The following UBE2G1 variants were observed in gnomAD, a reference collection of about 807,000 sequenced individuals.
UBE2G1 encodes the protein ubiquitin conjugating enzyme E2 G1, also known as ubiquitin-conjugating enzyme E2 G1.
UBE2G1 carries 5 observed loss-of-function variants against 22.7 expected under a neutral mutation model. The ratio of observed to expected loss-of-function variants is 0.22; its 90% CI spans 0.12 to 0.46. The LOEUF is 0.46. Ranked by LOEUF, UBE2G1 falls within the 20% of genes least tolerant of loss-of-function variation. The pLI is 0.99. For synonymous variants in UBE2G1, 74 were observed against 67.5 expected (o/e 1.10, Z -0.47); for missense variants, 88 against 203.9 (o/e 0.43, Z 3.46).
chr17:4,326,019 C>T (rs545577706), intron 1 of UBE2G1, among the ~76,000 whole-genome samples: 18 of 151,762 alleles, frequency 1.2e-4, no homozygotes, highest in Admixed American at 2.6e-4. Context: ...AACTCTCAGG[C>T]GAAAAAATAA....
chr17:4,349,713 T>G (rs1390929469), intron 1 of UBE2G1, among the ~76,000 whole-genome samples: 3 of 151,132 alleles, frequency 2.0e-5, no homozygotes, highest in Non-Finnish European at 4.4e-5. Context: ...CGTGGTGGCA[T>G]GCACCAGTAG....
At chr17:4,299,972 G>A (rs1350448092) in intron 2 of UBE2G1, among the ~76,000 whole-genome samples, 12 of 151,406 alleles carry the variant, frequency 7.9e-5, no homozygotes, top group East Asian at 1.9e-4. Flanking sequence ...GATTACAAGC[G>A]CACACCACCA....
At chr17:4,341,606 C>T (rs144421097) in intron 1 of UBE2G1, among the ~76,000 whole-genome samples, 1 of 152,300 alleles carries the variant, frequency 6.6e-6, no homozygotes, top group African/African-American at 2.4e-5. Context: ...GACACATACA[C>T]AAATGAAGCC....
At chr17:4,310,986 A>G (rs1367366769) in intron 1 of UBE2G1, among the ~76,000 whole-genome samples, 1 of 152,146 alleles carries the variant, frequency 6.6e-6, no homozygotes, top group Admixed American at 6.5e-5. Flanking sequence ...TGAGGTGGGC[A>G]GATCGTTTGA....
intron 3 of UBE2G1, among the ~76,000 whole-genome samples, chr17:4,291,358 C>CA (rs377584623): frequency 0.87 from 102,289 of 117,958 alleles, 44,499 homozygotes; most frequent in East Asian, 0.91. Context: ...AACTCCATCT[C>CA]AAAAAAAAAA....
At chr17:4,309,876 A>G (rs1237651058) in intron 1 of UBE2G1, among the ~76,000 whole-genome samples, 3 of 152,230 alleles carry the variant, frequency 2.0e-5, no homozygotes, top group African/African-American at 4.8e-5. Context: ...TACACTTTCC[A>G]TAAAGCATAT....
intron 4 of UBE2G1, among the ~76,000 whole-genome samples, chr17:4,285,937 G>A (rs867718797): frequency 2.2e-4 from 32 of 148,594 alleles, no homozygotes; most frequent in Middle Eastern, 3.5e-3. Context: ...GCGACAGAGC[G>A]AGACTACATC....
At chr17:4,294,625 A>G (rs1229105966) in intron 3 of UBE2G1, among the ~76,000 whole-genome samples, 1 of 152,118 alleles carries the variant, frequency 6.6e-6, no homozygotes, top group African/African-American at 2.4e-5. Context: ...CAGATAGAAA[A>G]CATAGGCCTG....
At chr17:4,289,055 T>C (rs1969003561) in intron 4 of UBE2G1, among the ~76,000 whole-genome samples, 175 bp downstream of exon 4, 1 of 151,578 alleles carries the variant, frequency 6.6e-6, no homozygotes, top group Admixed American at 6.6e-5. Context: ...ATAAAATAAA[T>C]ACGTAAATAA....
intron 1 of UBE2G1, among the ~76,000 whole-genome samples, chr17:4,326,669 C>T (rs1010341719): frequency 1.3e-5 from 2 of 152,080 alleles, no homozygotes; most frequent in African/African-American, 2.4e-5. Flanking sequence ...ACAGTCAAAA[C>T]GTGGAAACAA....
Position 4,352,893 on chromosome 17 carries a change from G to A in UBE2G1, c.46+13378C>T, listed in dbSNP as rs113384650. ...AGTTCAAGATCAGCCTGGGCAACAC[G>A]GAGAAACCCCGTCTCTACTAAAATA... On this transcript the variant is annotated intron_variant, in intron 1 of 5. Transcript: ENST00000396981. Among the ~76,000 whole-genome samples, 153 of 152,228 alleles carry A rather than the reference G, an allele frequency of 1.0e-3. 1 individual carries two copies. The highest frequency in any genetic ancestry group is 3.2e-3 in the African/African-American group (132 of 41,548).
rs1432130471 is a variant in UBE2G1, at chr17:4,270,877, T to G, written c.*1677A>C. The G allele has an allele frequency of 1.3e-5, 2 of 152,308 alleles. No homozygotes were observed. Among genetic ancestry groups the G allele is most frequent in the African/African-American group, 4.8e-5 (2 of 41,564 alleles). 9.4% of individuals were successfully genotyped at this position (152,308 alleles called of 1,614,324 possible). On this transcript the variant is annotated 3_prime_UTR_variant, in exon 6 of 6. Transcript: ENST00000396981. ...TCTGCTTAAAAAAGGACATACAACG[T>G]TTGTAGAGGTCTGGGCTCTTGGCAG...
intron 2 of UBE2G1, chr17:4,302,489 A>C (rs1186604037): frequency 2.1e-6 from 1 of 472,778 alleles, no homozygotes; most frequent in Non-Finnish European, 4.3e-6. Context: ...CACTCCATTC[A>C]GAATCTTGGG....
chr17:4,343,955 A>G (rs1286241226), intron 1 of UBE2G1, among the ~76,000 whole-genome samples: 1 of 152,098 alleles, frequency 6.6e-6, no homozygotes, highest in Non-Finnish European at 1.5e-5. Context: ...CAACAGATAC[A>G]AACTCTGGAG....
chr17:4,346,969 A>G (rs899538655), intron 1 of UBE2G1, among the ~76,000 whole-genome samples: 4 of 151,598 alleles, frequency 2.6e-5, no homozygotes, highest in Non-Finnish European at 5.9e-5. Context: ...CCTGGCCAAC[A>G]CAGTGAAACC....
chr17:4,323,323 G>C (rs1204458332), intron 1 of UBE2G1, among the ~76,000 whole-genome samples: 1 of 152,116 alleles, frequency 6.6e-6, no homozygotes, highest in South Asian at 2.1e-4. Context: ...ACAAAAGTAA[G>C]GACTCATCAC....
chr17:4,321,053 AG>A (rs1435636233), intron 1 of UBE2G1, among the ~76,000 whole-genome samples: 3 of 152,186 alleles, frequency 2.0e-5, no homozygotes, highest in Non-Finnish European at 2.9e-5. Context: ...GGGGATGAAG[AG>A]GGAAAATCTC....
intron 2 of UBE2G1, among the ~76,000 whole-genome samples, chr17:4,297,430 A>T (rs1969124926): frequency 6.6e-6 from 1 of 152,176 alleles, no homozygotes; most frequent in African/African-American, 2.4e-5. Flanking sequence ...GATGTTCTGT[A>T]TTTGTGCTGT....
intron 1 of UBE2G1, among the ~76,000 whole-genome samples, chr17:4,316,275 A>G (rs1969371407): frequency 2.0e-5 from 3 of 152,132 alleles, no homozygotes; most frequent in East Asian, 3.9e-4. Flanking sequence ...TGCAAGGTAT[A>G]TGTCTGTAAA....
Sources: gnomAD v4.1 joint callset for allele counts (sites outside exome capture counted in the v4.1 genomes callset) on GRCh38, gnomAD v4.1.1 for gene constraint, MANE v1.5 for transcripts, NCBI Gene and HGNC (gene_info 2026-07-23, HGNC 2026-07-21) for gene names.